The following TRIM61 variants were observed in gnomAD, a reference collection of about 807,000 sequenced individuals.
TRIM61 encodes the protein putative tripartite motif-containing protein 61.
In TRIM61, 1 loss-of-function variant was observed where a neutral mutation model predicts 14.2. The ratio of observed to expected loss-of-function variants is 0.07; its 90% CI spans 0.03 to 0.33. The LOEUF is 0.33. Ranked by LOEUF, TRIM61 falls within the 10% of genes least tolerant of loss-of-function variation. The pLI is 0.99. For synonymous variants in TRIM61, 8 were observed against 71.6 expected, an observed-to-expected ratio of 0.11 and a Z score of 4.49; for missense variants, 19 against 202.2, an observed-to-expected ratio of 0.09 and a Z score of 5.49.
intron 2 of TRIM61, among the ~76,000 whole-genome samples, chr4:164,974,332 A>C (rs1732434583): frequency 6.6e-6 from 1 of 152,252 alleles, no homozygotes; most frequent in Admixed American, 6.5e-5. Flanking sequence ...CAGAAGTTTT[A>C]GAATTTTAAA....
chr4:164,965,381 C>T (rs1017485586), intron 3 of TRIM61, among the ~76,000 whole-genome samples: 19 of 151,080 alleles, frequency 1.3e-4, no homozygotes, highest in African/African-American at 3.7e-4. Flanking sequence ...ACCTTGGGTG[C>T]GAGTTCATGA....
chr4:164,960,895 G>A (rs1372230886), intron 3 of TRIM61, among the ~76,000 whole-genome samples: 1 of 151,922 alleles, frequency 6.6e-6, no homozygotes, highest in Non-Finnish European at 1.5e-5. Flanking sequence ...AGGTCGTAGT[G>A]AGCCAAGATG....
intron 3 of TRIM61, chr4:164,955,159 T>C (rs1198187253): frequency 1.2e-5 from 2 of 161,264 alleles, no homozygotes; most frequent in African/African-American, 2.4e-5. Flanking sequence ...GTCCTACACA[T>C]AACCTATTTG....
Position 164,963,517 on chromosome 4 carries a change from G to A in TRIM61, c.525+5961C>T, listed in dbSNP as rs561366511. ...TGTAATCCCAGCACTGCCAAGGCAC[G>A]CAGATCACCTGAGGTCAGGAGTTCG... is the stretch of plus-strand genomic sequence containing the variant. On this transcript the variant is annotated intron_variant, in intron 3 of 4. Transcript: ENST00000329314. Among the ~76,000 whole-genome samples, 3 of 152,212 alleles carry A rather than the reference G, an allele frequency of 2.0e-5. No homozygotes were observed. In the East Asian group the frequency reaches 5.8e-4, roughly 29 times the overall value.
chr4:164,968,148 G>A (rs1029545869), intron 3 of TRIM61, 133 bp downstream of exon 3: 1 of 984,692 alleles, frequency 1.0e-6, no homozygotes, highest in Non-Finnish European at 1.2e-6. Flanking sequence ...AAAAGGGGAG[G>A]GGAGGGGAGA....
At chr4:164,958,599 C>CTATCAAT (rs1732066662) in intron 3 of TRIM61, 1 of 166,952 alleles carries the variant, frequency 6.0e-6, no homozygotes, top group Non-Finnish European at 1.5e-5. Context: ...ATCAATAAAA[C>CTATCAAT]AGTATTAGAA....
chr4:164,957,738 A>G (rs111663211), intron 3 of TRIM61: 5 of 498,574 alleles, frequency 1.0e-5, no homozygotes, highest in African/African-American at 3.9e-5. Context: ...AGAATAGGAT[A>G]TGATACGCAC....
In TRIM61 at chr4:164,956,975, G is replaced by A. The variant is rs762989553; in HGVS notation, c.526-1879C>T. ...TTCGACTTCCGGGTGAGACCGTGAA[G>A]GTGTGGCGCGACGTTGGAGACCGGG... On this transcript the variant is annotated intron_variant, in intron 3 of 4. Coordinates refer to ENST00000329314, the MANE Select transcript of TRIM61 (RefSeq NM_001012414.3). The A allele has an allele frequency of 8.4e-5, 121 of 1,444,366 alleles. No homozygotes were observed. The South Asian group carries it at 1.6e-3, about 19-fold the overall frequency. 89.5% of individuals were successfully genotyped at this position (1,444,366 alleles called of 1,614,324 possible).
chr4:164,976,297 TTGTCTC>T (rs1560889005), intron 2 of TRIM61, among the ~76,000 whole-genome samples: 2 of 152,176 alleles, frequency 1.3e-5, no homozygotes, highest in African/African-American at 4.8e-5. Context: ...TCTCTATACT[TTGTCTC>T]TGTCTTATTT....
intron 3 of TRIM61, chr4:164,969,065 T>A: frequency 9.4e-7 from 1 of 1,066,602 alleles, no homozygotes; most frequent in Non-Finnish European, 1.1e-6. Flanking sequence ...AGTTTTTCTA[T>A]CTTCTGAGAC....
intron 3 of TRIM61, chr4:164,968,884 T>C (rs1463736464): frequency 1.0e-6 from 1 of 988,874 alleles, no homozygotes; most frequent in African/African-American, 1.7e-5. Context: ...TCTTCCTCCT[T>C]CTGGGAAGAC....
At chr4:164,956,397 C>T (rs1433766697) in intron 3 of TRIM61, among the ~76,000 whole-genome samples, 1 of 152,032 alleles carries the variant, frequency 6.6e-6, no homozygotes, top group Non-Finnish European at 1.5e-5. Context: ...TGGAGTATTT[C>T]ATACATCCAT....
At chr4:164,971,534 T>C (rs1732365545) in intron 2 of TRIM61, among the ~76,000 whole-genome samples, 1 of 149,426 alleles carries the variant, frequency 6.7e-6, no homozygotes, top group Non-Finnish European at 1.5e-5. Context: ...GAGGTTGTGG[T>C]GAGTGGAGAT....
chr4:164,977,350 C>G (rs56231925), intron 1 of TRIM61, among the ~76,000 whole-genome samples, 181 bp downstream of exon 1: 39,257 of 152,080 alleles, frequency 0.26, 5,341 homozygotes, highest in Middle Eastern at 0.37. Flanking sequence ...GGCTCAACAC[C>G]CCCATTCTAA....
At chr4:164,965,303 C>CA (rs1560885104) in intron 3 of TRIM61, among the ~76,000 whole-genome samples, 1 of 151,416 alleles carries the variant, frequency 6.6e-6, no homozygotes, top group Admixed American at 6.6e-5. Flanking sequence ...AAGACAAAAA[C>CA]AAAAAACTTA....
chr4:164,959,862 C>G (rs187697924), intron 3 of TRIM61, among the ~76,000 whole-genome samples: 1 of 152,296 alleles, frequency 6.6e-6, no homozygotes, highest in East Asian at 1.9e-4. Flanking sequence ...AAGTTCATCT[C>G]TGCTATTGGT....
At chr4:164,971,337 A>G (rs2111149867) in intron 2 of TRIM61, among the ~76,000 whole-genome samples, 1 of 152,266 alleles carries the variant, frequency 6.6e-6, no homozygotes, top group Admixed American at 6.5e-5. Flanking sequence ...CACGCCTGTA[A>G]TCCCAGCACT....
chr4:164,975,744 T>G (rs1048545913), intron 2 of TRIM61, among the ~76,000 whole-genome samples: 2 of 151,892 alleles, frequency 1.3e-5, no homozygotes, highest in African/African-American at 4.8e-5. Flanking sequence ...CCCCATGTGA[T>G]AGTCTGAAAT....
intron 3 of TRIM61, chr4:164,957,098 G>C: frequency 6.4e-7 from 1 of 1,569,312 alleles, no homozygotes; most frequent in South Asian, 1.2e-5. Context: ...CAGCCCTGCA[G>C]GGTGGGCTGG....
Sources: allele counts gnomAD v4.1 joint callset (sites outside exome capture counted in the v4.1 genomes callset), GRCh38; gene constraint gnomAD v4.1.1; transcripts MANE v1.5; gene names NCBI Gene and HGNC (gene_info 2026-07-23, HGNC 2026-07-21).